ARMCX4: variants seen among roughly 807,000 people sequenced by gnomAD.
The protein encoded by ARMCX4 is armadillo repeat containing X-linked 4.
A neutral mutation model predicts 34.7 loss-of-function variants in ARMCX4; 3 were observed. The observed-to-expected ratio is 0.09, with a 90% CI of 0.04 to 0.22. ARMCX4 has a LOEUF of 0.22. Among genes scored for constraint, ARMCX4 ranks in the 10% least tolerant of loss-of-function variants. ARMCX4 has a pLI of 1.00. For synonymous variants in ARMCX4, 513 were observed against 632.8 expected (o/e 0.81, Z 2.84); for missense variants, 1,448 against 1,720.8 (o/e 0.84, Z 2.81).
At chrX:101,430,850 A>G (rs1252123012) in intron 2 of ARMCX4, among the ~76,000 whole-genome samples, 2 of 112,141 alleles carry the variant, frequency 1.8e-5, no homozygotes, top group Non-Finnish European at 3.8e-5. Flanking sequence ...TGACCCTGCT[A>G]GGGACCTGTG....
intron 7 of ARMCX4, among the ~76,000 whole-genome samples, chrX:101,504,465 G>A (rs2147693553): frequency 9.1e-6 from 1 of 110,356 alleles, no homozygotes; most frequent in South Asian, 3.9e-4. Flanking sequence ...GAGAGAGAAG[G>A]AGGGAGAGAT....
chrX:101,447,286 G>A (rs1555998249), downstream of ARMCX4, among the ~76,000 whole-genome samples: 3 of 112,184 alleles, frequency 2.7e-5, no homozygotes, highest in African/African-American at 9.7e-5. Flanking sequence ...ACTTTTAGAG[G>A]GAATAATATC....
downstream of ARMCX4, among the ~76,000 whole-genome samples, chrX:101,449,318 C>T (rs782471971): frequency 5.3e-5 from 6 of 112,288 alleles, no homozygotes; most frequent in Non-Finnish European, 1.1e-4. Flanking sequence ...CTTTTTCTAC[C>T]TCCTCGTTAA....
chrX:101,432,273 G>A (rs201385555), intron 2 of ARMCX4, among the ~76,000 whole-genome samples: 4 of 111,356 alleles, frequency 3.6e-5, no homozygotes, highest in East Asian at 5.6e-4. Flanking sequence ...GATGAGTCCC[G>A]TGTTCTCTAT....
intron 2 of ARMCX4, among the ~76,000 whole-genome samples, chrX:101,425,336 G>A (rs939519864): frequency 2.7e-5 from 3 of 110,882 alleles, no homozygotes; most frequent in Admixed American, 9.7e-5. Flanking sequence ...ATGGAATGAC[G>A]GGGCAGAAAT....
intron 7 of ARMCX4, among the ~76,000 whole-genome samples, chrX:101,501,776 G>A (rs7883270): frequency 0.074 from 8,264 of 112,071 alleles, 341 homozygotes; most frequent in African/African-American, 0.16. Flanking sequence ...AACTGTCATG[G>A]CACTGGTTGG....
At chrX:101,522,647 T>C (rs1934877686) in intron 11 of ARMCX4, among the ~76,000 whole-genome samples, 2 of 112,173 alleles carry the variant, frequency 1.8e-5, no homozygotes, top group Non-Finnish European at 3.8e-5. Context: ...CCATTTACTA[T>C]ATTTTAGAAT....
At chrX:101,502,774 T>C (rs1441631736) in intron 7 of ARMCX4, among the ~76,000 whole-genome samples, 1 of 110,991 alleles carries the variant, frequency 9.0e-6, no homozygotes, top group Non-Finnish European at 1.9e-5. Context: ...GCTTAATTTA[T>C]TGCCTTGGAA....
chrX:101,506,514 G>A (rs782079040), intron 8 of ARMCX4, among the ~76,000 whole-genome samples: 8 of 110,651 alleles, frequency 7.2e-5, no homozygotes, highest in African/African-American at 1.3e-4. Flanking sequence ...TCCTTGGTGC[G>A]TTGAGAGAGA....
At chrX:101,440,360 G>A (rs782463315) in intron 2 of ARMCX4, among the ~76,000 whole-genome samples, 111 of 111,410 alleles carry the variant, frequency 1.0e-3, no homozygotes, top group Non-Finnish European at 1.5e-3. Flanking sequence ...AGGAGTACCC[G>A]GCCGTGTGAG....
At chrX:101,470,715 AATTT>A (rs368905149) in intron 4 of ARMCX4, among the ~76,000 whole-genome samples, 26 of 112,296 alleles carry the variant, frequency 2.3e-4, no homozygotes, top group African/African-American at 3.2e-4. Context: ...TAGGTACAAC[AATTT>A]ATTTATCCAT....
chrX:101,515,363 C>CTTTCTTTCTTTCT lies in ARMCX4; in HGVS notation c.*1780+4311_*1780+4323dup, dbSNP rs1934692514. Among the ~76,000 whole-genome samples the CTTTCTTTCTTTCT allele has an allele frequency of 5.7e-5, 3 of 52,185 alleles. 1 individual carries two copies. Among genetic ancestry groups the CTTTCTTTCTTTCT allele is most frequent in the Non-Finnish European group, 1.1e-4 (3 of 28,464 alleles). 45.3% of individuals were successfully genotyped at this position (52,185 alleles called of 115,157 possible). On this transcript the variant is annotated intron_variant and NMD_transcript_variant, in intron 11 of 12. Transcript: ENST00000354842. The stretch of plus-strand genomic sequence containing the variant: ...TTTCCTTTTCTTTCTTTCTTTCTTT[C>CTTTCTTTCTTTCT]TTTCTTTCTTTCTTTCTTTTTCTTT...
At position 101,491,181 on chromosome X, in the gene ARMCX4, A is replaced by C; in HGVS notation, c.2592A>C (p.Thr864=). The change falls in exon 6 of 6, where the codon ACA becomes ACC. Residue 864 remains threonine, a synonymous_variant. Coordinates refer to ENST00000423738, the MANE Select transcript of ARMCX4 (RefSeq NM_001256155.3). ...VVSKAGARED[T]VGSTQPQVLA... is the part of the protein sequence containing the mutation. ...CTAAGGCAGGGGCCAGAGAAGATAC[A>C]GTGGGCTCTACCCAGCCTCAGGTTT... 1 of 1,156,244 alleles carries C rather than the reference A, an allele frequency of 8.6e-7. No individual in the cohort carries two copies. Among genetic ancestry groups the C allele is most frequent in the East Asian group, 3.3e-5 (1 of 30,743 alleles).
At chrX:101,466,907 T>G (rs1464407578) in intron 4 of ARMCX4, among the ~76,000 whole-genome samples, 1 of 112,361 alleles carries the variant, frequency 8.9e-6, no homozygotes, top group African/African-American at 3.2e-5. Context: ...TCCCTTTTGC[T>G]AATTTGTAAT....
intron 11 of ARMCX4, among the ~76,000 whole-genome samples, chrX:101,514,388 A>G (rs1934662737): frequency 9.0e-6 from 1 of 111,672 alleles, no homozygotes; most frequent in Non-Finnish European, 1.9e-5. Context: ...TTACTCCTAT[A>G]GAGAGTTGCC....
intron 5 of ARMCX4, 110 bp from the exon 6 acceptor site, chrX:101,488,334 C>T (rs1933841330): frequency 1.8e-5 from 13 of 723,750 alleles, no homozygotes; most frequent in Non-Finnish European, 2.5e-5. Flanking sequence ...ATCATCCTCT[C>T]TTCCACCAAG....
chrX:101,497,387 C>T (rs1276544033), downstream of ARMCX4, among the ~76,000 whole-genome samples: 1 of 110,301 alleles, frequency 9.1e-6, no homozygotes, highest in Non-Finnish European at 1.9e-5. Flanking sequence ...CAGGCGCCTG[C>T]CACCACACCT....
intron 8 of ARMCX4, among the ~76,000 whole-genome samples, chrX:101,506,509 G>A (rs1433544458): frequency 9.1e-6 from 1 of 110,157 alleles, no homozygotes; most frequent in East Asian, 2.8e-4. Flanking sequence ...GCCTTTCCTT[G>A]GTGCGTTGAG....
chrX:101,418,306 G>T (rs1206483770), exon 1 of ARMCX4: 2 of 112,418 alleles, frequency 1.8e-5, no homozygotes, highest in African/African-American at 3.2e-5. Context: ...TGGCGGCCGC[G>T]GCCGGGCTGG....
Sources: gnomAD v4.1 joint callset for allele counts (sites outside exome capture counted in the v4.1 genomes callset) on GRCh38, gnomAD v4.1.1 for gene constraint, MANE v1.5 for transcripts, NCBI Gene and HGNC (gene_info 2026-07-23, HGNC 2026-07-21) for gene names.